GNAO1: variants seen among roughly 807,000 people sequenced by gnomAD.
GNAO1 encodes the protein G protein subunit alpha o1, also known as guanine nucleotide-binding protein G(o) subunit alpha.
For missense variants in GNAO1, 166 were observed against 478.7 expected, an observed-to-expected ratio of 0.35 and a Z score of 6.10; for synonymous variants, 164 against 180.7, an observed-to-expected ratio of 0.91 and a Z score of 0.74.
At chr16:56,259,432 A>C (rs549192791) in intron 2 of GNAO1, among the ~76,000 whole-genome samples, 2 of 152,302 alleles carry the variant, frequency 1.3e-5, no homozygotes, top group South Asian at 2.1e-4. Context: ...CTGGTTTCCA[A>C]CTGCCCTGTT....
chr16:56,251,047 G>C (rs1260466587), intron 2 of GNAO1, among the ~76,000 whole-genome samples: 2 of 152,178 alleles, frequency 1.3e-5, no homozygotes, highest in Non-Finnish European at 2.9e-5. Flanking sequence ...TTTTACCCCC[G>C]AGTCTAAGAT....
At chr16:56,229,238 T>A (rs2036564131) in intron 2 of GNAO1, among the ~76,000 whole-genome samples, 1 of 152,162 alleles carries the variant, frequency 6.6e-6, no homozygotes. Context: ...TCTCACTTAC[T>A]CTGTCACCCA....
chr16:56,312,486 C>G (rs1490406532), intron 3 of GNAO1, among the ~76,000 whole-genome samples: 1 of 152,202 alleles, frequency 6.6e-6, no homozygotes, highest in Non-Finnish European at 1.5e-5. Context: ...ACTGAGGCGG[C>G]CACAGCCTGG....
chr16:56,236,905 T>C lies in GNAO1; in HGVS notation c.162-39026T>C, dbSNP rs1161222620. Among the ~76,000 whole-genome samples, 8 of 152,280 alleles carry C rather than the reference T, an allele frequency of 5.3e-5. No individual in the cohort carries two copies. In the East Asian group the frequency reaches 1.3e-3, roughly 26 times the overall value. ...GGCCGTGTCCCAGGAACGTGTAGGATTGTGCATTTGGATATCTGTGTCTAG... is the reference window on the plus strand; with the variant it reads ...GGCCGTGTCCCAGGAACGTGTAGGACTGTGCATTTGGATATCTGTGTCTAG... On this transcript the variant is annotated intron_variant, in intron 2 of 8. Transcript: ENST00000262493.
intron 3 of GNAO1, among the ~76,000 whole-genome samples, chr16:56,309,411 G>A (rs553102082): frequency 2.2e-4 from 33 of 152,308 alleles, no homozygotes; most frequent in Admixed American, 1.6e-3. Flanking sequence ...GCCAAGGAAC[G>A]TGTGGGTGCC....
intron 2 of GNAO1, among the ~76,000 whole-genome samples, chr16:56,258,549 T>C (rs1233800674): frequency 6.6e-6 from 1 of 152,154 alleles, no homozygotes; most frequent in South Asian, 2.1e-4. Flanking sequence ...GGTTCTGTCA[T>C]AGTGAGGGGC....
At chr16:56,244,571 T>A (rs1213261460) in intron 2 of GNAO1, among the ~76,000 whole-genome samples, 1 of 152,032 alleles carries the variant, frequency 6.6e-6, no homozygotes, top group Non-Finnish European at 1.5e-5. Context: ...TGGGACCACT[T>A]GCTGGGGAAG....
At chr16:56,263,357 G>C (rs544848686) in intron 2 of GNAO1, among the ~76,000 whole-genome samples, 2 of 152,326 alleles carry the variant, frequency 1.3e-5, no homozygotes, top group Non-Finnish European at 2.9e-5. Flanking sequence ...TTGATCATTC[G>C]CCATGTACCA....
At chr16:56,288,045 G>A (rs773563986) in intron 3 of GNAO1, among the ~76,000 whole-genome samples, 4 of 152,152 alleles carry the variant, frequency 2.6e-5, no homozygotes, top group East Asian at 1.9e-4. Flanking sequence ...CATTAGGGCC[G>A]CCTATGACTC....
chr16:56,286,972 C>T (rs2037178065), intron 3 of GNAO1, among the ~76,000 whole-genome samples: 1 of 152,180 alleles, frequency 6.6e-6, no homozygotes, highest in African/African-American at 2.4e-5. Flanking sequence ...CAGGAGATGA[C>T]TCATGTCGTA....
chr16:56,328,609 C>T (rs760165870), intron 3 of GNAO1, 22 bp from the exon 4 acceptor site: 2 of 1,609,736 alleles, frequency 1.2e-6, no homozygotes, highest in Non-Finnish European at 1.7e-6. Context: ...CGTCAAAGCC[C>T]ACCATCCACC....
Position 56,275,919 on chromosome 16 carries a change from GT to G in GNAO1, c.162-7del. Reference sequence around the variant, plus strand: ...GCTCTCATCAGGTGTGGTGTGTGTGGTTTTTCTCTAGGATCATCCATGAAGA... The same window carrying G: ...GCTCTCATCAGGTGTGGTGTGTGTGGTTTTCTCTAGGATCATCCATGAAGA... On this transcript the variant is annotated splice_polypyrimidine_tract_variant and intron_variant, in intron 2 of 8. Transcript: ENST00000262493. The G allele has an allele frequency of 6.2e-7, 1 of 1,610,030 alleles. No individual in the cohort carries two copies. The highest frequency in any genetic ancestry group is 1.1e-5 in the South Asian group (1 of 90,310).
intron 2 of GNAO1, among the ~76,000 whole-genome samples, chr16:56,265,272 A>T (rs572563241): frequency 6.6e-6 from 1 of 152,214 alleles, no homozygotes; most frequent in Non-Finnish European, 1.5e-5. Flanking sequence ...AGCCACATCA[A>T]TGACTTCTTC....
intron 3 of GNAO1, among the ~76,000 whole-genome samples, chr16:56,296,273 T>A (rs1400161763): frequency 1.3e-5 from 2 of 152,184 alleles, no homozygotes; most frequent in Admixed American, 6.5e-5. Context: ...GGGTTTTTTT[T>A]AGACCCCCTT....
chr16:56,220,841 G>A (rs987972493), intron 2 of GNAO1, among the ~76,000 whole-genome samples: 1 of 152,034 alleles, frequency 6.6e-6, no homozygotes, highest in Non-Finnish European at 1.5e-5. Context: ...TCTGCTGCCC[G>A]GGTTCAAGCA....
intron 2 of GNAO1, among the ~76,000 whole-genome samples, chr16:56,269,708 A>G (rs2036996021): frequency 6.6e-6 from 1 of 152,184 alleles, no homozygotes; most frequent in Admixed American, 6.5e-5. Flanking sequence ...AAGGGAGCAG[A>G]CGAGGGGCAT....
intron 2 of GNAO1, among the ~76,000 whole-genome samples, chr16:56,258,920 C>T (rs1357986475): frequency 6.6e-6 from 1 of 152,210 alleles, no homozygotes; most frequent in Non-Finnish European, 1.5e-5. Flanking sequence ...GTTATTGCTT[C>T]TCATTTTGAC....
At chr16:56,235,368 G>T (rs1192802047) in intron 2 of GNAO1, 1 of 456,092 alleles carries the variant, frequency 2.2e-6, no homozygotes, top group Non-Finnish European at 4.4e-6. Context: ...GTTGAATCCT[G>T]CAGGGACTAC....
At chr16:56,257,697 A>T (rs1363886666) in intron 2 of GNAO1, among the ~76,000 whole-genome samples, 2 of 152,250 alleles carry the variant, frequency 1.3e-5, no homozygotes, top group Non-Finnish European at 2.9e-5. Flanking sequence ...ATGAAAAAAA[A>T]ATCTTCCATT....
Sources: gnomAD v4.1 joint callset for allele counts (sites outside exome capture counted in the v4.1 genomes callset) on GRCh38, gnomAD v4.1.1 for gene constraint, MANE v1.5 for transcripts, NCBI Gene and HGNC (gene_info 2026-07-23, HGNC 2026-07-21) for gene names.